The following THSD7B variants were observed in gnomAD, a reference collection of about 807,000 sequenced individuals.
The protein encoded by THSD7B is thrombospondin type 1 domain containing 7B, also known as thrombospondin type-1 domain-containing protein 7B.
THSD7B carries 138 observed loss-of-function variants against 213.6 expected under a neutral mutation model. The ratio of observed to expected loss-of-function variants is 0.65; its 90% CI spans 0.56 to 0.74. The LOEUF is 0.74. Among genes scored for constraint, THSD7B ranks in the 30% least tolerant of loss-of-function variants. THSD7B has a pLI of 0.00. For synonymous variants in THSD7B, 742 were observed against 687.0 expected, an observed-to-expected ratio of 1.08 and a Z score of -1.25; for missense variants, 1,931 against 1,991.5, an observed-to-expected ratio of 0.97 and a Z score of 0.58.
At position 137,290,871 on chromosome 2, in the gene THSD7B, T is replaced by A. The variant is rs150520163; in HGVS notation, c.2500+14845T>A. Among the ~76,000 whole-genome samples the A allele has an allele frequency of 1.2e-3, 182 of 152,282 alleles. 1 individual carries two copies. Among genetic ancestry groups the A allele is most frequent in the African/African-American group, 3.9e-3 (161 of 41,584 alleles). ...GAGGACTCTCCAGCCTATTCCCTTT[T>A]GCTAGACCACTGTTGATATCCACCT... is the stretch of plus-strand genomic sequence containing the variant. On this transcript the variant is annotated intron_variant, in intron 12 of 27. Transcript: ENST00000409968.
intron 2 of THSD7B, among the ~76,000 whole-genome samples, chr2:136,905,582 G>A (rs772358962): frequency 7.9e-5 from 12 of 152,190 alleles, no homozygotes; most frequent in Admixed American, 3.3e-4. Flanking sequence ...AGTCAGGTTT[G>A]TAGTCATCCT....
intron 12 of THSD7B, among the ~76,000 whole-genome samples, chr2:137,316,485 A>C (rs1284898745): frequency 6.6e-6 from 1 of 152,214 alleles, no homozygotes; most frequent in African/African-American, 2.4e-5. Flanking sequence ...TGCTGTTAAG[A>C]AAAGGTGAGG....
At chr2:137,256,243 C>T (rs982371573) in intron 10 of THSD7B, among the ~76,000 whole-genome samples, 1 of 152,124 alleles carries the variant, frequency 6.6e-6, no homozygotes, top group Non-Finnish European at 1.5e-5. Context: ...AAGTTTTATG[C>T]CAACTGCTAG....
At chr2:136,846,434 A>G (rs1683011420) in intron 1 of THSD7B, among the ~76,000 whole-genome samples, 1 of 152,214 alleles carries the variant, frequency 6.6e-6, no homozygotes, top group Non-Finnish European at 1.5e-5. Context: ...ACTTTCTGCT[A>G]CAGTAATTTG....
chr2:136,948,045 C>A (rs1006074589), intron 2 of THSD7B, among the ~76,000 whole-genome samples: 5 of 152,208 alleles, frequency 3.3e-5, no homozygotes, highest in Admixed American at 6.5e-5. Flanking sequence ...TGACCATCTT[C>A]ATCTTCCTTG....
chr2:137,627,497 G>T (rs1318193429), intron 20 of THSD7B, among the ~76,000 whole-genome samples: 1 of 152,172 alleles, frequency 6.6e-6, no homozygotes, highest in African/African-American at 2.4e-5. Context: ...TAGAAGTCCT[G>T]ATATTGGACC....
chr2:137,348,092 A>G (rs1684918638), intron 12 of THSD7B, among the ~76,000 whole-genome samples: 1 of 151,740 alleles, frequency 6.6e-6, no homozygotes, highest in Admixed American at 6.6e-5. Context: ...AAAATTCTAT[A>G]TAGAGGCATT....
chr2:136,994,939 C>T (rs972250268), intron 2 of THSD7B, among the ~76,000 whole-genome samples: 1 of 152,190 alleles, frequency 6.6e-6, no homozygotes, highest in African/African-American at 2.4e-5. Flanking sequence ...GGAAGAGTTG[C>T]TAGATGCTGG....
chr2:137,177,863 G>T (rs568195638), intron 7 of THSD7B, among the ~76,000 whole-genome samples: 3 of 152,156 alleles, frequency 2.0e-5, no homozygotes, highest in African/African-American at 7.2e-5. Context: ...TTGAGGTCAG[G>T]AGATTGAGAC....
intron 2 of THSD7B, among the ~76,000 whole-genome samples, chr2:136,928,615 T>C (rs78481342): frequency 0.03 from 4,613 of 152,258 alleles, 107 homozygotes; most frequent in South Asian, 0.075. Flanking sequence ...GGTTAATGAT[T>C]CATACAAAAA....
At chr2:136,806,803 A>G (rs1682290535) in intron 1 of THSD7B, among the ~76,000 whole-genome samples, 1 of 152,208 alleles carries the variant, frequency 6.6e-6, no homozygotes, top group South Asian at 2.1e-4. Flanking sequence ...CACCCTGGAT[A>G]CCACATTACA....
At chr2:136,779,787 C>G (rs2710171) in intron 1 of THSD7B, among the ~76,000 whole-genome samples, 58,484 of 152,018 alleles carry the variant, frequency 0.38, 11,444 homozygotes, top group South Asian at 0.56. Flanking sequence ...TGCATGTGCA[C>G]AGACCCATTT....
intron 15 of THSD7B, among the ~76,000 whole-genome samples, chr2:137,503,811 G>T (rs568064601): frequency 6.6e-6 from 1 of 152,158 alleles, no homozygotes; most frequent in South Asian, 2.1e-4. Flanking sequence ...TGAATCACAA[G>T]GTCAAGAGAT....
At chr2:137,067,736 C>T (rs1409298799) in intron 3 of THSD7B, among the ~76,000 whole-genome samples, 1 of 151,976 alleles carries the variant, frequency 6.6e-6, no homozygotes, top group Non-Finnish European at 1.5e-5. Flanking sequence ...TCTGGTAAAA[C>T]CCTAGTTTGT....
intron 20 of THSD7B, among the ~76,000 whole-genome samples, chr2:137,622,960 C>A (rs545534188): frequency 1.3e-5 from 2 of 152,156 alleles, no homozygotes; most frequent in Non-Finnish European, 2.9e-5. Context: ...AAGAGGAAAT[C>A]CTCCCTAACT....
At chr2:136,830,328 A>C (rs1682731182) in intron 1 of THSD7B, among the ~76,000 whole-genome samples, 2 of 152,214 alleles carry the variant, frequency 1.3e-5, no homozygotes, top group Admixed American at 1.3e-4. Flanking sequence ...AATTAGCTGC[A>C]TACCATAATG....
intron 12 of THSD7B, among the ~76,000 whole-genome samples, chr2:137,316,161 C>G (rs182476100): frequency 6.6e-6 from 1 of 152,288 alleles, no homozygotes; most frequent in African/African-American, 2.4e-5. Context: ...TTTCACAGAT[C>G]TGTTAGAAGT....
intron 1 of THSD7B, among the ~76,000 whole-genome samples, chr2:136,796,375 T>C (rs996580197): frequency 6.6e-5 from 10 of 151,962 alleles, no homozygotes; most frequent in Admixed American, 5.9e-4. Context: ...CTTCGTGGGA[T>C]GGTTTGTAAA....
intron 1 of THSD7B, among the ~76,000 whole-genome samples, chr2:136,820,547 A>G (rs1682550797): frequency 6.6e-6 from 1 of 152,220 alleles, no homozygotes; most frequent in Non-Finnish European, 1.5e-5. Flanking sequence ...TGATACTACA[A>G]ATGAAAAAGA....
Sources: gnomAD v4.1 joint callset for allele counts (sites outside exome capture counted in the v4.1 genomes callset) on GRCh38, gnomAD v4.1.1 for gene constraint, MANE v1.5 for transcripts, NCBI Gene and HGNC (gene_info 2026-07-23, HGNC 2026-07-21) for gene names.